GADL1: variants seen among roughly 807,000 people sequenced by gnomAD.
GADL1 encodes GAD like acidic amino acid decarboxylase 1.
Under a neutral mutation model 69.5 loss-of-function variants are expected in GADL1, and 71 were observed. The observed-to-expected ratio is 1.02, with a 90% CI of 0.84 to 1.25. GADL1 has a LOEUF of 1.25. GADL1 is among the 50% of genes most tolerant of loss of function. GADL1 has a pLI of 0.00. For synonymous variants in GADL1, 254 were observed against 214.4 expected (o/e 1.18, Z -1.62); for missense variants, 737 against 631.8 (o/e 1.17, Z -1.79).
intron 14 of GADL1, among the ~76,000 whole-genome samples, chr3:30,768,586 G>A (rs140602096): frequency 2.0e-5 from 3 of 151,372 alleles, no homozygotes; most frequent in Non-Finnish European, 2.9e-5. Flanking sequence ...GAGGAGAGGC[G>A]GAGAAGGAAG....
At chr3:30,792,175 C>G (rs1238651880) in intron 12 of GADL1, among the ~76,000 whole-genome samples, 1 of 152,186 alleles carries the variant, frequency 6.6e-6, no homozygotes, top group African/African-American at 2.4e-5. Context: ...AAACTGTGAT[C>G]CGTGGTATAC....
At chr3:30,749,124 T>C (rs1695758722) in intron 14 of GADL1, among the ~76,000 whole-genome samples, 1 of 152,210 alleles carries the variant, frequency 6.6e-6, no homozygotes, top group South Asian at 2.1e-4. Flanking sequence ...TCTTGCTTTG[T>C]GTTTTCTAGC....
At chr3:30,795,623 C>A (rs1697015844) in intron 12 of GADL1, among the ~76,000 whole-genome samples, 1 of 152,044 alleles carries the variant, frequency 6.6e-6, no homozygotes, top group African/African-American at 2.4e-5. Flanking sequence ...TCCTAAAAAG[C>A]AGAACTACAA....
chr3:30,888,827 C>T (rs1352066594), intron 1 of GADL1, among the ~76,000 whole-genome samples: 1 of 151,584 alleles, frequency 6.6e-6, no homozygotes, highest in Non-Finnish European at 1.5e-5. Flanking sequence ...CTGGTGGATC[C>T]TGGAAAAAGG....
chr3:30,813,095 T>C (rs147310233), intron 11 of GADL1, among the ~76,000 whole-genome samples: 1 of 152,134 alleles, frequency 6.6e-6, no homozygotes, highest in East Asian at 1.9e-4. Flanking sequence ...TTTTGGCATA[T>C]CTGGGAACTG....
intron 9 of GADL1, among the ~76,000 whole-genome samples, chr3:30,837,358 T>C (rs1276720416): frequency 1.3e-5 from 2 of 152,126 alleles, no homozygotes; most frequent in Non-Finnish European, 2.9e-5. Context: ...TAAACATGTC[T>C]TTAATAAGCC....
intron 11 of GADL1, among the ~76,000 whole-genome samples, chr3:30,823,877 T>G (rs1697635289): frequency 6.6e-6 from 1 of 151,942 alleles, no homozygotes; most frequent in Admixed American, 6.6e-5. Flanking sequence ...CGCAGCAGAT[T>G]AGATACAGCT....
chr3:30,748,684 A>G (rs1005269272), intron 14 of GADL1, among the ~76,000 whole-genome samples: 5 of 152,214 alleles, frequency 3.3e-5, no homozygotes, highest in African/African-American at 9.6e-5. Flanking sequence ...TACCAACAGC[A>G]CCTATTTCAC....
intron 11 of GADL1, among the ~76,000 whole-genome samples, chr3:30,802,636 A>C (rs768239660): frequency 8.5e-5 from 13 of 152,272 alleles, no homozygotes; most frequent in Non-Finnish European, 1.8e-4. Flanking sequence ...AAATGAAAGC[A>C]TAAGTTTGCT....
chr3:30,814,649 C>T (rs898596997), intron 11 of GADL1, among the ~76,000 whole-genome samples: 1 of 152,200 alleles, frequency 6.6e-6, no homozygotes, highest in Middle Eastern at 3.4e-3. Context: ...AGTGAAGAGA[C>T]ATTCCATAAG....
chr3:30,893,243 TTTC>T (rs1698808945), intron 1 of GADL1, among the ~76,000 whole-genome samples: 5 of 152,212 alleles, frequency 3.3e-5, no homozygotes, highest in African/African-American at 7.2e-5. Context: ...GTCAGTTGTT[TTTC>T]TTCTTTTTAA....
chr3:30,780,983 T>C (rs1332754028), intron 13 of GADL1, among the ~76,000 whole-genome samples: 1 of 152,190 alleles, frequency 6.6e-6, no homozygotes, highest in Non-Finnish European at 1.5e-5. Context: ...CACTAATGAG[T>C]ATTTTCAGAG....
intron 1 of GADL1, among the ~76,000 whole-genome samples, chr3:30,871,434 A>G (rs961973509): frequency 6.6e-6 from 1 of 151,760 alleles, no homozygotes; most frequent in African/African-American, 2.4e-5. Context: ...CTACAATACC[A>G]TTACTGAATT....
At chr3:30,775,789 C>T (rs569182302) in intron 14 of GADL1, among the ~76,000 whole-genome samples, 59 of 152,198 alleles carry the variant, frequency 3.9e-4, no homozygotes, top group African/African-American at 1.4e-3. Context: ...TGTTCAATTC[C>T]CAATTAAGAT....
At chr3:30,795,168 G>A (rs1002416472) in intron 12 of GADL1, among the ~76,000 whole-genome samples, 1 of 152,114 alleles carries the variant, frequency 6.6e-6, no homozygotes, top group African/African-American at 2.4e-5. Flanking sequence ...ATTCCAGGTG[G>A]AGCCTTCCAA....
At chr3:30,816,455 CCCAGACACCTGGCACATGTCATTGT>C (rs1422155374) in intron 11 of GADL1, among the ~76,000 whole-genome samples, 2 of 151,566 alleles carry the variant, frequency 1.3e-5, no homozygotes, top group Admixed American at 1.3e-4. Flanking sequence ...GTTCCCTAGC[CCCAGACACCTGGCACATGTCATTGT>C]CCAGATCTGA....
rs182080985 is a variant in GADL1 at position 30,827,603 on chromosome 3, T to C, written c.1050+6250A>G. On this transcript the variant is annotated intron_variant, in intron 11 of 14. Coordinates refer to ENST00000282538, the MANE Select transcript of GADL1 (RefSeq NM_207359.3). The stretch of plus-strand genomic sequence containing the variant: ...CTAACATTATTATCCCTTTACCTTA[T>C]AGAGAAAGAAAGCAGAAATGACAGA... 2.4e-3 allele frequency among the ~76,000 whole-genome samples: 365 copies of C among 152,020 alleles called. 2 individuals carry two copies. The highest frequency in any genetic ancestry group is 8.5e-3 in the African/African-American group (354 of 41,530).
chr3:30,839,602 T>C (rs1394703890), intron 8 of GADL1, among the ~76,000 whole-genome samples: 1 of 149,978 alleles, frequency 6.7e-6, no homozygotes, highest in African/African-American at 2.5e-5. Flanking sequence ...AGTGCAGTTA[T>C]AAAACAAAGA....
intron 2 of GADL1, among the ~76,000 whole-genome samples, chr3:30,859,842 A>T (rs1372141074): frequency 1.3e-5 from 2 of 151,878 alleles, no homozygotes; most frequent in Non-Finnish European, 2.9e-5. Flanking sequence ...CAACTCTAGC[A>T]TAGCTTTCAA....
Sources: gnomAD v4.1 joint callset for allele counts (sites outside exome capture counted in the v4.1 genomes callset) on GRCh38, gnomAD v4.1.1 for gene constraint, MANE v1.5 for transcripts, NCBI Gene and HGNC (gene_info 2026-07-23, HGNC 2026-07-21) for gene names.